The following ZC3H13 variants were observed in gnomAD, a reference collection of about 807,000 sequenced individuals.
ZC3H13 encodes the protein zinc finger CCCH domain-containing protein 13.
Under a neutral mutation model 204.1 loss-of-function variants are expected in ZC3H13, and 64 were observed. The ratio of observed to expected loss-of-function variants is 0.31; its 90% CI spans 0.26 to 0.39. ZC3H13 has a LOEUF of 0.39. Among genes scored for constraint, ZC3H13 ranks in the 10% least tolerant of loss-of-function variants. The pLI is 1.00. For missense variants in ZC3H13, 1,833 were observed against 2,082.7 expected, an observed-to-expected ratio of 0.88 and a Z score of 2.33; for synonymous variants, 667 against 693.7, an observed-to-expected ratio of 0.96 and a Z score of 0.60.
Position 46,014,894 on chromosome 13 carries a change from G to A in ZC3H13, c.449-3340C>T, listed in dbSNP as rs1009152985. ...AGAGTTCAACTATCTTCATTTTAAC[G>A]TCTGCAAAGCATTTCATTAATATGA... On this transcript the variant is annotated intron_variant, in intron 5 of 18. Coordinates refer to ENST00000679008, the MANE Select transcript of ZC3H13 (RefSeq NM_001330564.2). Among the ~76,000 whole-genome samples, 10 of 152,078 alleles carry A rather than the reference G, an allele frequency of 6.6e-5. No individual in the cohort carries two copies. In the South Asian group the frequency reaches 1.9e-3, roughly 28 times the overall value.
chr13:46,043,149 C>G (rs535493521), intron 3 of ZC3H13, among the ~76,000 whole-genome samples: 25 of 151,994 alleles, frequency 1.6e-4, no homozygotes, highest in South Asian at 4.1e-4. Flanking sequence ...TGCTCTGTTC[C>G]TCTTTGACTA....
At chr13:46,045,107 G>GA in intron 2 of ZC3H13, 43 bp from the exon 3 acceptor site, 2 of 1,513,620 alleles carry the variant, frequency 1.3e-6, no homozygotes, top group Non-Finnish European at 1.8e-6. Flanking sequence ...ATTTATTTCT[G>GA]GAAAAAAAAA....
intron 4 of ZC3H13, among the ~76,000 whole-genome samples, chr13:46,033,674 C>T (rs2043036084): frequency 6.6e-6 from 1 of 152,086 alleles, no homozygotes; most frequent in Non-Finnish European, 1.5e-5. Flanking sequence ...TTCAAGTACT[C>T]TCAGTAAAAG....
intron 4 of ZC3H13, among the ~76,000 whole-genome samples, chr13:46,037,561 A>C (rs2043288114): frequency 6.6e-6 from 1 of 152,234 alleles, no homozygotes. Flanking sequence ...TCTGCAATAT[A>C]AAATGAAAAT....
At chr13:46,044,863 A>G in intron 3 of ZC3H13, 92 bp downstream of exon 3, 2 of 830,602 alleles carry the variant, frequency 2.4e-6, no homozygotes, top group Non-Finnish European at 3.5e-6. Flanking sequence ...AAATCTGACC[A>G]AATATATGGT....
intron 18 of ZC3H13, among the ~76,000 whole-genome samples, chr13:45,958,945 C>T (rs769775857): frequency 2.0e-5 from 3 of 151,982 alleles, no homozygotes; most frequent in African/African-American, 7.2e-5. Flanking sequence ...TGAGCCACCA[C>T]GCCCGGCCAA....
At chr13:45,967,278 T>C (rs1952171685) in intron 15 of ZC3H13, among the ~76,000 whole-genome samples, 1 of 152,206 alleles carries the variant, frequency 6.6e-6, no homozygotes, top group Admixed American at 6.5e-5. Flanking sequence ...TAGGTTTATG[T>C]GAACCAAATC....
chr13:45,978,192 C>T (rs1348382806), intron 11 of ZC3H13, among the ~76,000 whole-genome samples: 1 of 152,048 alleles, frequency 6.6e-6, no homozygotes, highest in African/African-American at 2.4e-5. Context: ...CTTTTATATA[C>T]AGTAGTAGCA....
At chr13:46,051,334 G>A (rs1010855253) in intron 1 of ZC3H13, among the ~76,000 whole-genome samples, 2 of 152,184 alleles carry the variant, frequency 1.3e-5, no homozygotes, top group Non-Finnish European at 2.9e-5. Context: ...CAGAGTGAAA[G>A]CCTTAGTTTC....
At chr13:46,028,073 T>C (rs1369106897) in intron 4 of ZC3H13, among the ~76,000 whole-genome samples, 2 of 152,178 alleles carry the variant, frequency 1.3e-5, no homozygotes, top group Non-Finnish European at 2.9e-5. Flanking sequence ...AATGGTATGT[T>C]GTCTACAAGA....
At chr13:46,025,315 C>T (rs1287597866) in intron 4 of ZC3H13, among the ~76,000 whole-genome samples, 2 of 152,094 alleles carry the variant, frequency 1.3e-5, no homozygotes, top group East Asian at 3.9e-4. Flanking sequence ...ATCTATCGAT[C>T]TATCTACTTG....
rs1472086990 is a variant in ZC3H13, at chr13:45,969,110, TTGG to T, written c.3431_3433del (p.Thr1144del). 6.2e-7 allele frequency: 1 copy of T among 1,614,092 alleles called. No homozygotes were observed. The highest frequency in any genetic ancestry group is 8.5e-7 in the Non-Finnish European group (1 of 1,179,998). ...ATTGGCAAAAGTATTATTGGTGGTA[TTGG>T]TGGGGGTGGCAGAGGTGGAAATAGT... is the stretch of plus-strand genomic sequence containing the variant. On this transcript the variant is annotated inframe_deletion, in exon 14 of 19. Coordinates refer to ENST00000679008, the MANE Select transcript of ZC3H13 (RefSeq NM_001330564.2).
At chr13:46,049,599 C>A (rs1465223573) in intron 1 of ZC3H13, among the ~76,000 whole-genome samples, 1 of 152,084 alleles carries the variant, frequency 6.6e-6, no homozygotes, top group African/African-American at 2.4e-5. Flanking sequence ...TACAATACAG[C>A]AGAAAAACAT....
intron 4 of ZC3H13, among the ~76,000 whole-genome samples, chr13:46,021,904 G>C (rs1041348186): frequency 1.3e-5 from 2 of 151,886 alleles, no homozygotes; most frequent in African/African-American, 2.4e-5. Flanking sequence ...ATACATTACT[G>C]AATAACTATA....
rs553618855 is a variant in ZC3H13 at position 45,994,238 on chromosome 13, A to G, written c.945-5141T>C. 3.3e-5 allele frequency among the ~76,000 whole-genome samples: 5 copies of G among 152,342 alleles called. No individual in the cohort carries two copies. The South Asian group carries it at 8.3e-4, about 25-fold the overall frequency. On this transcript the variant is annotated intron_variant, in intron 8 of 18. Transcript: ENST00000679008. ...AGTATATAATACAAATAACATACAAAATATGTGTTAATCAAACGTTTATGT... is the reference window on the plus strand; with the variant it reads ...AGTATATAATACAAATAACATACAAGATATGTGTTAATCAAACGTTTATGT...
intron 10 of ZC3H13, among the ~76,000 whole-genome samples, chr13:45,984,091 G>A (rs1953954185): frequency 6.6e-6 from 1 of 152,136 alleles, no homozygotes; most frequent in African/African-American, 2.4e-5. Context: ...TAGAGAACAA[G>A]TACCAAAAGA....
intron 7 of ZC3H13, among the ~76,000 whole-genome samples, chr13:46,005,243 C>T (rs1014696217): frequency 6.6e-6 from 1 of 152,162 alleles, no homozygotes; most frequent in African/African-American, 2.4e-5. Context: ...TCTGAAACTT[C>T]AAACTTTTTA....
intron 11 of ZC3H13, chr13:45,976,267 T>C (rs947359958): frequency 1.0e-6 from 1 of 984,894 alleles, no homozygotes; most frequent in Non-Finnish European, 1.2e-6. Context: ...ACATAGGAGC[T>C]GAAGGAAAAA....
rs532615553 is a variant in ZC3H13 at position 45,980,129 on chromosome 13, A to G, written c.1721-125T>C. The G allele has an allele frequency of 9.6e-6, 8 of 834,648 alleles. No individual in the cohort carries two copies. The South Asian group carries it at 2.2e-4, about 23-fold the overall frequency. The allele number at this position is 834,648 out of a possible 1,614,324, so 51.7% of individuals were successfully genotyped here. ...TTTAATATTCCAAAGTGTGGTAATC[A>G]CTCCTGAAAAGAGTATCAAGCAATG... On this transcript the variant is annotated intron_variant, in intron 10 of 18. Transcript: ENST00000679008.
Sources: allele counts gnomAD v4.1 joint callset (sites outside exome capture counted in the v4.1 genomes callset), GRCh38; gene constraint gnomAD v4.1.1; transcripts MANE v1.5; gene names NCBI Gene and HGNC (gene_info 2026-07-23, HGNC 2026-07-21).